PLCXD3: variants seen among roughly 807,000 people sequenced by gnomAD.
PLCXD3 encodes the protein PI-PLC X domain-containing protein 3.
In PLCXD3, 19 loss-of-function variants were observed where a neutral mutation model predicts 25.5. The observed-to-expected ratio is 0.75, with a 90% CI of 0.52 to 1.09. PLCXD3 has a LOEUF of 1.09. Among genes scored for constraint, PLCXD3 ranks in the 50% least tolerant of loss-of-function variants. PLCXD3 has a pLI of 0.00. For missense variants in PLCXD3, 411 were observed against 388.1 expected (o/e 1.06, Z -0.50); for synonymous variants, 174 against 137.6 (o/e 1.26, Z -1.85).
chr5:41,504,044 A>C (rs550873421), intron 1 of PLCXD3, among the ~76,000 whole-genome samples: 1 of 152,014 alleles, frequency 6.6e-6, no homozygotes, highest in Non-Finnish European at 1.5e-5. Context: ...GGGTCAGAGC[A>C]CATCAATTAG....
intron 2 of PLCXD3, among the ~76,000 whole-genome samples, chr5:41,372,078 C>T (rs908319934): frequency 2.6e-5 from 4 of 151,984 alleles, no homozygotes; most frequent in Non-Finnish European, 1.5e-5. Context: ...CTCTCTACCC[C>T]CATCGACCTA....
At position 41,348,639 on chromosome 5, in the gene PLCXD3, T is replaced by TTTTG. The variant is rs201779637; in HGVS notation, c.812+33183_812+33186dup. Among the ~76,000 whole-genome samples the TTTTG allele has an allele frequency of 7.8e-3, 1,185 of 152,104 alleles. 13 individuals are homozygous for TTTTG. The highest frequency in any genetic ancestry group is 0.021 in the African/African-American group (885 of 41,468). On this transcript the variant is annotated intron_variant, in intron 2 of 2. Transcript: ENST00000377801. ...ACAAATACAGAAAATTACTGAGTTT[T>TTTTG]TTTGTTTGTTTGTTTGTTTGTTTGT... is the stretch of plus-strand genomic sequence containing the variant.
Position 41,369,016 on chromosome 5 carries a change from G to C in PLCXD3, c.812+12810C>G, listed in dbSNP as rs993535194. ...AGTTCTCAGCCATATTGTGTTTGGG[G>C]TCTTGTTGGTCTGTGGACACATGAG... is the stretch of plus-strand genomic sequence containing the variant. On this transcript the variant is annotated intron_variant, in intron 2 of 2. Transcript: ENST00000377801. Among the ~76,000 whole-genome samples, 3 of 152,098 alleles carry C rather than the reference G, an allele frequency of 2.0e-5. No homozygotes were observed. The East Asian group carries it at 5.8e-4, about 29-fold the overall frequency.
intron 1 of PLCXD3, among the ~76,000 whole-genome samples, chr5:41,480,899 G>C (rs1469701438): frequency 6.6e-6 from 1 of 152,012 alleles, no homozygotes; most frequent in East Asian, 1.9e-4. Flanking sequence ...GACAGAGCAA[G>C]ACTCCATCTC....
rs188103696 is a variant in PLCXD3, at chr5:41,363,738, A to T, written c.812+18088T>A. 7.2e-4 allele frequency among the ~76,000 whole-genome samples: 110 copies of T among 152,344 alleles called. 1 individual carries two copies. The highest frequency in any genetic ancestry group is 5.2e-3 in the South Asian group (25 of 4,832). ...TGAATGAGCCTAGCTTGTTTCAAAA[A>T]GCAATTTATCCTGAAAGGAGAAGGA... On this transcript the variant is annotated intron_variant, in intron 2 of 2. Coordinates refer to ENST00000377801, the MANE Select transcript of PLCXD3 (RefSeq NM_001005473.3).
intron 1 of PLCXD3, among the ~76,000 whole-genome samples, chr5:41,466,228 A>G (rs1161270555): frequency 6.6e-6 from 1 of 152,102 alleles, no homozygotes; most frequent in Non-Finnish European, 1.5e-5. Flanking sequence ...AATTAAAACA[A>G]TTTTTCAAAT....
At chr5:41,458,559 A>G (rs976919898) in intron 1 of PLCXD3, among the ~76,000 whole-genome samples, 12 of 152,000 alleles carry the variant, frequency 7.9e-5, no homozygotes, top group South Asian at 2.1e-4. Flanking sequence ...ACCCTGTGCC[A>G]GGAACTGTGT....
At chr5:41,443,632 G>A (rs539171352) in intron 1 of PLCXD3, among the ~76,000 whole-genome samples, 1 of 152,312 alleles carries the variant, frequency 6.6e-6, no homozygotes, top group South Asian at 2.1e-4. Flanking sequence ...TGAAAAGAAG[G>A]AGAGACTGTG....
intron 2 of PLCXD3, among the ~76,000 whole-genome samples, chr5:41,334,680 C>A (rs1211115775): frequency 2.0e-5 from 3 of 152,140 alleles, no homozygotes; most frequent in African/African-American, 7.2e-5. Flanking sequence ...ATGGCAACAG[C>A]AGCCCTTATT....
At chr5:41,315,950 C>G (rs569547966) in intron 2 of PLCXD3, among the ~76,000 whole-genome samples, 6 of 152,264 alleles carry the variant, frequency 3.9e-5, no homozygotes, top group African/African-American at 1.4e-4. Context: ...TTCTGTGTCT[C>G]CAAGTAAATT....
intron 2 of PLCXD3, among the ~76,000 whole-genome samples, chr5:41,332,045 T>C (rs999343713): frequency 8.5e-5 from 13 of 152,210 alleles, no homozygotes; most frequent in African/African-American, 3.1e-4. Context: ...AAGGACTTCA[T>C]GTCTAAAACA....
chr5:41,497,774 A>T (rs1211359859), intron 1 of PLCXD3, among the ~76,000 whole-genome samples: 1 of 151,824 alleles, frequency 6.6e-6, no homozygotes, highest in East Asian at 1.9e-4. Context: ...TGATCACACG[A>T]TAGGCCCCAA....
chr5:41,360,885 T>G (rs1015181399), intron 2 of PLCXD3, among the ~76,000 whole-genome samples: 8 of 152,168 alleles, frequency 5.3e-5, no homozygotes, highest in African/African-American at 1.9e-4. Context: ...TGTGGTAATA[T>G]AAGGAGTTTG....
At chr5:41,377,641 A>G (rs1314763664) in intron 2 of PLCXD3, among the ~76,000 whole-genome samples, 2 of 152,120 alleles carry the variant, frequency 1.3e-5, no homozygotes, top group African/African-American at 2.4e-5. Context: ...CATTGCTACA[A>G]TGTAGAAAAC....
At chr5:41,453,116 G>A (rs943734644) in intron 1 of PLCXD3, among the ~76,000 whole-genome samples, 3 of 151,608 alleles carry the variant, frequency 2.0e-5, no homozygotes, top group African/African-American at 7.3e-5. Flanking sequence ...ATTATTCCTC[G>A]TTTAACCAAA....
At chr5:41,358,554 G>A (rs1002907075) in intron 2 of PLCXD3, among the ~76,000 whole-genome samples, 1 of 152,140 alleles carries the variant, frequency 6.6e-6, no homozygotes, top group Non-Finnish European at 1.5e-5. Context: ...AACATATGAT[G>A]TTTGGTTTTC....
intron 1 of PLCXD3, 103 bp from the exon 2 acceptor site, chr5:41,382,637 A>C: frequency 1.1e-6 from 1 of 871,666 alleles, no homozygotes. Flanking sequence ...AATGAGCCAC[A>C]GAAAATACTA....
rs146700930 is a variant in PLCXD3, at chr5:41,319,980, A to G, written c.813-6210T>C. ...TCATTAGTGGCTACTATGAGCAACT[A>G]CATGCCAATAAATAGGAAAACCTAC... On this transcript the variant is annotated intron_variant, in intron 2 of 2. Transcript: ENST00000377801. 7.2e-3 allele frequency among the ~76,000 whole-genome samples: 1,094 copies of G among 152,266 alleles called. 25 individuals carry two copies. The highest frequency in any genetic ancestry group is 0.025 in the African/African-American group (1,022 of 41,564).
chr5:41,493,324 G>A (rs1253894628), intron 1 of PLCXD3, among the ~76,000 whole-genome samples: 5 of 152,166 alleles, frequency 3.3e-5, no homozygotes, highest in Admixed American at 6.5e-5. Flanking sequence ...GGCCGTGTGA[G>A]GTGTCAGTCT....
Sources: allele counts gnomAD v4.1 joint callset (sites outside exome capture counted in the v4.1 genomes callset), GRCh38; gene constraint gnomAD v4.1.1; transcripts MANE v1.5; gene names NCBI Gene and HGNC (gene_info 2026-07-23, HGNC 2026-07-21).